Variants in ARHGAP24 observed in about 807,000 individuals in gnomAD.
The protein encoded by ARHGAP24 is Rho GTPase activating protein 24.
Under a neutral mutation model 76.4 loss-of-function variants are expected in ARHGAP24, and 50 were observed. The ratio of observed to expected loss-of-function variants is 0.65; its 90% confidence interval spans 0.52 to 0.83. The LOEUF (loss-of-function observed/expected upper bound fraction) is 0.83. Ranked by LOEUF, ARHGAP24 falls within the 40% of genes least tolerant of loss-of-function variation. The probability of loss-of-function intolerance (pLI) is 0.00; values close to 1 mark genes in which losing one functional copy is unlikely to be tolerated. For synonymous variants in ARHGAP24, 345 were observed against 323.3 expected (o/e 1.07, Z -0.72); for missense variants, 930 against 914.2 (o/e 1.02, Z -0.22).
chr4:85,625,845 T>G (rs7677644), intron 2 of ARHGAP24, among the ~76,000 whole-genome samples: 107,770 of 151,808 alleles, frequency 0.71, 39,862 homozygotes, highest in Non-Finnish European at 0.81. Flanking sequence ...TGTCTCTTTT[T>G]ATCTTTGTTG....
At chr4:85,626,397 T>C (rs1218110762) in intron 2 of ARHGAP24, among the ~76,000 whole-genome samples, 1 of 152,156 alleles carries the variant, frequency 6.6e-6, no homozygotes, top group Admixed American at 6.6e-5. Flanking sequence ...TGATTATTGG[T>C]CCCCACTCTC....
intron 1 of ARHGAP24, among the ~76,000 whole-genome samples, chr4:85,512,810 A>G (rs1724334501): frequency 6.6e-6 from 1 of 152,256 alleles, no homozygotes; most frequent in African/African-American, 2.4e-5. Flanking sequence ...ATATATGAGA[A>G]ATGGAGGCAG....
At chr4:85,944,704 C>A (rs575924142) in intron 5 of ARHGAP24, among the ~76,000 whole-genome samples, 1 of 152,110 alleles carries the variant, frequency 6.6e-6, no homozygotes, top group Non-Finnish European at 1.5e-5. Flanking sequence ...ATAAGCCCAA[C>A]GCGTGACCGT....
chr4:85,714,936 G>A (rs2110037585), intron 2 of ARHGAP24, among the ~76,000 whole-genome samples: 1 of 152,240 alleles, frequency 6.6e-6, no homozygotes, highest in East Asian at 1.9e-4. Context: ...AATCCTTAAA[G>A]CAGTTTGCAT....
chr4:85,718,575 A>G (rs1724817214), intron 2 of ARHGAP24, among the ~76,000 whole-genome samples: 1 of 152,154 alleles, frequency 6.6e-6, no homozygotes, highest in Admixed American at 6.6e-5. Flanking sequence ...CAGAATTTCC[A>G]TACAATGTGA....
intron 9 of ARHGAP24, chr4:85,999,735 C>T (rs1329627299): frequency 4.6e-5 from 7 of 152,100 alleles, no homozygotes; most frequent in Admixed American, 3.3e-4. Context: ...TTTTTAAAAA[C>T]GTTACTGCGA....
chr4:85,831,838 G>T (rs1248191313), intron 3 of ARHGAP24, among the ~76,000 whole-genome samples: 1 of 151,676 alleles, frequency 6.6e-6, no homozygotes, highest in Non-Finnish European at 1.5e-5. Flanking sequence ...GGAAGTCAAG[G>T]CTGCAGTGAG....
intron 2 of ARHGAP24, among the ~76,000 whole-genome samples, chr4:85,626,949 G>A (rs1228160169): frequency 2.6e-5 from 4 of 152,102 alleles, no homozygotes; most frequent in Admixed American, 6.5e-5. Flanking sequence ...GGACTTCTCT[G>A]CATTGGTTAT....
intron 6 of ARHGAP24, 94 bp downstream of exon 6, chr4:85,972,262 C>A (rs1001224419): frequency 2.0e-6 from 3 of 1,508,016 alleles, no homozygotes; most frequent in East Asian, 4.6e-5. Context: ...TGCCCTATCC[C>A]GGTGTTACTC....
At chr4:85,640,219 A>G (rs1050209028) in intron 2 of ARHGAP24, among the ~76,000 whole-genome samples, 15 of 152,130 alleles carry the variant, frequency 9.9e-5, no homozygotes. Flanking sequence ...GAGAGTCCCA[A>G]TGTCCCGTAA....
At chr4:85,629,611 G>T (rs1721094974) in intron 2 of ARHGAP24, among the ~76,000 whole-genome samples, 1 of 152,062 alleles carries the variant, frequency 6.6e-6, no homozygotes, top group South Asian at 2.1e-4. Flanking sequence ...GGACAGTCTT[G>T]CCAGGTATCT....
intron 3 of ARHGAP24, among the ~76,000 whole-genome samples, chr4:85,742,770 C>G (rs1429324402): frequency 6.6e-6 from 1 of 152,198 alleles, no homozygotes; most frequent in Non-Finnish European, 1.5e-5. Flanking sequence ...TAAAATATCA[C>G]TAGCTAGCCT....
At chr4:85,610,085 T>C (rs1451923782) in intron 2 of ARHGAP24, among the ~76,000 whole-genome samples, 1 of 152,130 alleles carries the variant, frequency 6.6e-6, no homozygotes, top group African/African-American at 2.4e-5. Flanking sequence ...GTAGACTAAG[T>C]CTGAGCCAAC....
chr4:85,813,056 T>A (rs1729079221), intron 3 of ARHGAP24, among the ~76,000 whole-genome samples: 1 of 152,114 alleles, frequency 6.6e-6, no homozygotes, highest in African/African-American at 2.4e-5. Flanking sequence ...TTCTTCTGAG[T>A]TTATTTTCTT....
chr4:85,618,332 G>A (rs1459788709), intron 2 of ARHGAP24, among the ~76,000 whole-genome samples: 1 of 152,158 alleles, frequency 6.6e-6, no homozygotes, highest in Admixed American at 6.6e-5. Context: ...TTTAAAGGCT[G>A]AGTAATATTG....
intron 2 of ARHGAP24, among the ~76,000 whole-genome samples, chr4:85,708,212 A>G (rs1724391820): frequency 6.6e-6 from 1 of 152,164 alleles, no homozygotes; most frequent in Non-Finnish European, 1.5e-5. Flanking sequence ...GTAATATTAG[A>G]CCATAAATAT....
chr4:85,567,441 T>C (rs1484732411), intron 1 of ARHGAP24, among the ~76,000 whole-genome samples: 1 of 152,210 alleles, frequency 6.6e-6, no homozygotes, highest in East Asian at 1.9e-4. Flanking sequence ...GAGGAAGAGT[T>C]ATGAATCAAA....
At chr4:85,780,683 AAG>A (rs1445726980) in intron 3 of ARHGAP24, among the ~76,000 whole-genome samples, 1 of 152,210 alleles carries the variant, frequency 6.6e-6, no homozygotes, top group Non-Finnish European at 1.5e-5. Context: ...ATGGACGAAT[AAG>A]AGGCAATAAC....
chr4:85,665,744 G>A (rs1261738183), intron 2 of ARHGAP24, among the ~76,000 whole-genome samples: 1 of 152,172 alleles, frequency 6.6e-6, no homozygotes, highest in Non-Finnish European at 1.5e-5. Context: ...TTGCTTGTCT[G>A]TAAAGGATTT....
Sources: gnomAD v4.1 joint callset for allele counts (sites outside exome capture counted in the v4.1 genomes callset) on GRCh38, gnomAD v4.1.1 for gene constraint, MANE v1.5 for transcripts, NCBI Gene and HGNC (gene_info 2026-07-23, HGNC 2026-07-21) for gene names.